The following MALT1 variants were observed in gnomAD, a reference collection of about 807,000 sequenced individuals.
MALT1 encodes the protein MALT1 paracaspase, also known as mucosa-associated lymphoid tissue lymphoma translocation protein 1.
Under a neutral mutation model 85.5 loss-of-function variants are expected in MALT1, and 36 were observed. The ratio of observed to expected loss-of-function variants is 0.42; its 90% confidence interval spans 0.32 to 0.56. The LOEUF (loss-of-function observed/expected upper bound fraction) is 0.56. MALT1 is among the 20% of genes least tolerant of loss of function. The probability of loss-of-function intolerance (pLI) is 0.10; values close to 1 mark genes in which losing one functional copy is unlikely to be tolerated. For missense variants in MALT1, 716 were observed against 981.6 expected (o/e 0.73, Z 3.62); for synonymous variants, 359 against 361.3 (o/e 0.99, Z 0.07).
At chr18:58,734,089 A>G in intron 11 of MALT1, 1 of 1,332,406 alleles carries the variant, frequency 7.5e-7, no homozygotes, top group Non-Finnish European at 9.6e-7. Context: ...TCAAAATCCA[A>G]TGCCAGAGTT....
chr18:58,725,427 GA>G (rs903021426), intron 10 of MALT1, among the ~76,000 whole-genome samples: 5 of 149,666 alleles, frequency 3.3e-5, no homozygotes, highest in African/African-American at 4.9e-5. Context: ...CCAAAATCTG[GA>G]AAAAAAAAAT....
intron 13 of MALT1, among the ~76,000 whole-genome samples, chr18:58,736,852 G>A (rs562035341): frequency 9.2e-5 from 14 of 152,338 alleles, no homozygotes; most frequent in African/African-American, 3.4e-4. Flanking sequence ...TACAAAATAA[G>A]TAAAGGCCTA....
At position 58,751,682 on chromosome 18, in the gene MALT1, C is replaced by T. The variant is rs1015391000; in HGVS notation, c.*3840C>T. 6.6e-6 allele frequency: 1 copy of T among 152,078 alleles called. No individual in the cohort carries two copies. Among genetic ancestry groups the T allele is most frequent in the African/African-American group, 2.4e-5 (1 of 41,388 alleles). 9.4% of individuals were successfully genotyped at this position (152,078 alleles called of 1,614,324 possible). A position where few individuals can be genotyped will look rare whatever the true frequency, so the allele number is the denominator to read the frequency against. On this transcript the variant is annotated 3_prime_UTR_variant, in exon 17 of 17. Transcript: ENST00000649217. ...GAATTTAGAAAAGATGATAATCTAT[C>T]AAATCTGTCAATACCAATTAGAATG...
intron 4 of MALT1, 80 bp from the exon 5 acceptor site, chr18:58,709,298 A>G: frequency 2.2e-6 from 2 of 890,060 alleles, no homozygotes; most frequent in Non-Finnish European, 1.6e-6. Context: ...TGAAGGGGGA[A>G]CTTGACACAT....
In MALT1 at chr18:58,753,574, A is replaced by G. The variant is rs1180032745; in HGVS notation, c.*5732A>G. On this transcript the variant is annotated 3_prime_UTR_variant, in exon 17 of 17. Transcript: ENST00000649217. Reference sequence around the variant, plus strand: ...GAATCACTTTTCAAAAAGCATGCAGATTTAATGCCACCAGTTTGTGTTATG... The same window carrying G: ...GAATCACTTTTCAAAAAGCATGCAGGTTTAATGCCACCAGTTTGTGTTATG... 6.6e-6 allele frequency: 1 copy of G among 152,196 alleles called. No homozygotes were observed. Among genetic ancestry groups the G allele is most frequent in the African/African-American group, 2.4e-5 (1 of 41,458 alleles). 9.4% of individuals were successfully genotyped at this position (152,196 alleles called of 1,614,324 possible).
intron 2 of MALT1, among the ~76,000 whole-genome samples, chr18:58,684,669 C>T (rs993254283): frequency 6.6e-6 from 1 of 151,494 alleles, no homozygotes; most frequent in Non-Finnish European, 1.5e-5. Context: ...TGGTTTTGAA[C>T]TTCCGACCTC....
chr18:58,739,229 GT>G (rs1329416760), intron 13 of MALT1, among the ~76,000 whole-genome samples: 1 of 151,990 alleles, frequency 6.6e-6, no homozygotes, highest in Non-Finnish European at 1.5e-5. Flanking sequence ...CCATCATTCT[GT>G]TTAGAATTTT....
intron 10 of MALT1, among the ~76,000 whole-genome samples, chr18:58,723,681 T>C (rs1602323702): frequency 1.3e-5 from 2 of 152,238 alleles, no homozygotes; most frequent in African/African-American, 4.8e-5. Flanking sequence ...TATTGCATGG[T>C]CTTTTCTAGT....
At chr18:58,746,606 C>T (rs528923774) in intron 16 of MALT1, among the ~76,000 whole-genome samples, 4 of 152,142 alleles carry the variant, frequency 2.6e-5, no homozygotes, top group Non-Finnish European at 4.4e-5. Context: ...ACTTAAAATC[C>T]TTTCTTCTCT....
chr18:58,684,298 G>C (rs2054365609), intron 2 of MALT1, among the ~76,000 whole-genome samples: 1 of 152,098 alleles, frequency 6.6e-6, no homozygotes, highest in African/African-American at 2.4e-5. Context: ...AATATCCTTA[G>C]GAATTGGTTG....
Position 58,681,203 on chromosome 18 carries a change from A to G in MALT1, c.243A>G (p.Val81=). ...CLDLEQCSLK[V]LEPEGSPSLC... is the part of the protein sequence containing the mutation. ...ACCTGGAGCAGTGTTCTCTTAAGGT[A>G]CTGGAGCCTGAAGGAAGCCCCAGCC... Residue 81 remains valine, a synonymous_variant, in exon 2 of 17, where the codon GTA becomes GTG. Transcript: ENST00000649217. The G allele has an allele frequency of 6.2e-7, 1 of 1,614,164 alleles. No homozygotes were observed. Among genetic ancestry groups the G allele is most frequent in the Middle Eastern group, 1.6e-4 (1 of 6,062 alleles).
chr18:58,711,767 G>A (rs975650079), intron 7 of MALT1, among the ~76,000 whole-genome samples: 8 of 152,056 alleles, frequency 5.3e-5, no homozygotes, highest in African/African-American at 9.7e-5. Flanking sequence ...TATATTTTCT[G>A]ATTTTCCTGT....
chr18:58,731,235 G>A (rs1215847955), intron 10 of MALT1, among the ~76,000 whole-genome samples: 1 of 152,220 alleles, frequency 6.6e-6, no homozygotes, highest in Non-Finnish European at 1.5e-5. Flanking sequence ...TTACAGGCTT[G>A]AGCCTCCGCG....
chr18:58,734,739 T>A (rs1008201350), intron 12 of MALT1, among the ~76,000 whole-genome samples: 1 of 152,242 alleles, frequency 6.6e-6, no homozygotes, highest in Non-Finnish European at 1.5e-5. Context: ...AAGCCCAAAT[T>A]GGGCATGTAA....
chr18:58,693,813 G>A (rs915399935), intron 2 of MALT1, among the ~76,000 whole-genome samples: 2 of 152,176 alleles, frequency 1.3e-5, no homozygotes, highest in African/African-American at 4.8e-5. Flanking sequence ...AAAATTGGTG[G>A]TGGCTATAGG....
Position 58,745,798 on chromosome 18 carries a change from A to G in MALT1, c.2037+7A>G, listed in dbSNP as rs768815491. The G allele has an allele frequency of 1.6e-5, 25 of 1,608,158 alleles. No individual in the cohort carries two copies. The highest frequency in any genetic ancestry group is 8.1e-5 in the African/African-American group (6 of 74,534). ...TTCACTGCAAAAATTAAAGGTTACT[A>G]CCTTTTCTGTTTATAGCTACTAATG... On this transcript the variant is annotated splice_region_variant and intron_variant, in intron 16 of 16. Transcript: ENST00000649217.
chr18:58,726,840 C>T (rs1459286815), intron 10 of MALT1, among the ~76,000 whole-genome samples: 3 of 152,178 alleles, frequency 2.0e-5, no homozygotes, highest in Non-Finnish European at 4.4e-5. Flanking sequence ...GTAAAGGAGT[C>T]TTGTCGGAAT....
intron 2 of MALT1, among the ~76,000 whole-genome samples, chr18:58,687,629 A>T (rs1186440864): frequency 6.6e-6 from 1 of 152,188 alleles, no homozygotes; most frequent in Non-Finnish European, 1.5e-5. Flanking sequence ...TTTTTGTTTC[A>T]TGGCCTCTGA....
At chr18:58,700,139 C>G (rs2054650974) in intron 3 of MALT1, among the ~76,000 whole-genome samples, 1 of 152,164 alleles carries the variant, frequency 6.6e-6, no homozygotes, top group Non-Finnish European at 1.5e-5. Flanking sequence ...TAGATTCTTT[C>G]AATACTCAGT....
Sources: gnomAD v4.1 joint callset for allele counts (sites outside exome capture counted in the v4.1 genomes callset) on GRCh38, gnomAD v4.1.1 for gene constraint, MANE v1.5 for transcripts, NCBI Gene and HGNC (gene_info 2026-07-23, HGNC 2026-07-21) for gene names.